EPS15: variants seen among roughly 807,000 people sequenced by gnomAD.
EPS15 encodes the protein epidermal growth factor receptor pathway substrate 15.
In EPS15, 72 loss-of-function variants were observed where a neutral mutation model predicts 113.8. That is an observed-to-expected ratio of 0.63 (90% CI 0.52 to 0.77). The LOEUF (loss-of-function observed/expected upper bound fraction) is 0.77, where lower values mean the gene tolerates loss of function less well. EPS15 is among the 30% of genes least tolerant of loss of function. The pLI, the probability that EPS15 is intolerant of heterozygous loss-of-function variation, is 0.00. For synonymous variants in EPS15, 344 were observed against 363.4 expected (o/e 0.95, Z 0.61); for missense variants, 1,048 against 1,045.8 (o/e 1.00, Z -0.03).
chr1:51,424,680 G>C (rs947463159), intron 12 of EPS15, among the ~76,000 whole-genome samples: 1 of 152,098 alleles, frequency 6.6e-6, no homozygotes, highest in Non-Finnish European at 1.5e-5. Context: ...GAGGTGGATG[G>C]ATCACTTGAG....
chr1:51,483,439 G>GTGTC (rs1476532028), intron 1 of EPS15, among the ~76,000 whole-genome samples: 3 of 148,286 alleles, frequency 2.0e-5, no homozygotes, highest in African/African-American at 7.5e-5. Flanking sequence ...GTGTGTGTGT[G>GTGTC]TCTCATACTG....
chr1:51,489,825 T>C (rs1570415836), intron 1 of EPS15, among the ~76,000 whole-genome samples: 1 of 152,136 alleles, frequency 6.6e-6, no homozygotes, highest in East Asian at 1.9e-4. Context: ...GGTCTTACTG[T>C]TTTCTCTCTA....
At chr1:51,476,802 A>G (rs55672422) in intron 2 of EPS15, among the ~76,000 whole-genome samples, 4,576 of 152,160 alleles carry the variant, frequency 0.03, 76 homozygotes, top group African/African-American at 0.05. Flanking sequence ...CAGGGATGAA[A>G]CCCATTTGAT....
chr1:51,471,095 A>T (rs536162067), intron 4 of EPS15, among the ~76,000 whole-genome samples: 2 of 152,154 alleles, frequency 1.3e-5, no homozygotes, highest in Non-Finnish European at 2.9e-5. Context: ...GGGGGTGGGG[A>T]GGAAGCCTAA....
intron 8 of EPS15, among the ~76,000 whole-genome samples, chr1:51,450,220 C>T (rs1270179162): frequency 6.6e-6 from 1 of 151,626 alleles, no homozygotes; most frequent in Non-Finnish European, 1.5e-5. Flanking sequence ...TGGGCAGCTC[C>T]TAGGATGGAA....
At chr1:51,500,182 C>T (rs1025961590) in intron 1 of EPS15, among the ~76,000 whole-genome samples, 4 of 152,176 alleles carry the variant, frequency 2.6e-5, no homozygotes, top group African/African-American at 9.7e-5. Context: ...ATTTTGTTTA[C>T]TCATTCATCT....
At chr1:51,416,417 G>C (rs1353905240) in intron 13 of EPS15, among the ~76,000 whole-genome samples, 1 of 152,184 alleles carries the variant, frequency 6.6e-6, no homozygotes, top group Non-Finnish European at 1.5e-5. Context: ...CAAAACTAGA[G>C]CAATATAGTG....
chr1:51,508,231 A>AGAG (rs1463202344), intron 1 of EPS15, among the ~76,000 whole-genome samples: 145 of 113,450 alleles, frequency 1.3e-3, no homozygotes, highest in African/African-American at 4.9e-3. Flanking sequence ...AAGAAAAGAA[A>AGAG]AGAAAAGAAA....
intron 1 of EPS15, among the ~76,000 whole-genome samples, chr1:51,483,941 T>C (rs1265633641): frequency 2.0e-5 from 3 of 151,904 alleles, no homozygotes; most frequent in Non-Finnish European, 4.4e-5. Flanking sequence ...AGAAACACCA[T>C]CTCCACCAAA....
chr1:51,473,743 C>T (rs536406848), intron 2 of EPS15, among the ~76,000 whole-genome samples: 47 of 152,216 alleles, frequency 3.1e-4, no homozygotes, highest in Admixed American at 7.9e-4. Context: ...ATCTGTTTTT[C>T]CAGTTTAGTT....
At chr1:51,451,116 T>G (rs186205481) in intron 8 of EPS15, among the ~76,000 whole-genome samples, 81 of 152,000 alleles carry the variant, frequency 5.3e-4, no homozygotes, top group African/African-American at 1.8e-3. Context: ...AAGTATAGTG[T>G]TGAACAGTGT....
chr1:51,399,663 G>A (rs538549758), intron 19 of EPS15, among the ~76,000 whole-genome samples: 75 of 151,136 alleles, frequency 5.0e-4, no homozygotes, highest in African/African-American at 1.7e-3. Context: ...GTTTAAGACC[G>A]GCCTGGCTAA....
At chr1:51,471,612 A>G (rs1655243807) in intron 4 of EPS15, 78 bp downstream of exon 4, 1 of 1,187,620 alleles carries the variant, frequency 8.4e-7, no homozygotes, top group African/African-American at 1.5e-5. Flanking sequence ...CTTGGCTTCA[A>G]AATACAAGAA....
At chr1:51,502,893 C>T (rs1644437453) in intron 1 of EPS15, among the ~76,000 whole-genome samples, 1 of 151,380 alleles carries the variant, frequency 6.6e-6, no homozygotes, top group Non-Finnish European at 1.5e-5. Flanking sequence ...ATAATTCCAA[C>T]TACTCGGGAG....
intron 13 of EPS15, among the ~76,000 whole-genome samples, chr1:51,410,392 C>CAAA (rs575050577): frequency 2.6e-4 from 25 of 97,772 alleles, no homozygotes; most frequent in African/African-American, 7.5e-4. Context: ...ACACTGTCTC[C>CAAA]AAAAAAAAAA....
At chr1:51,498,092 A>G (rs926730575) in intron 1 of EPS15, among the ~76,000 whole-genome samples, 7 of 152,094 alleles carry the variant, frequency 4.6e-5, no homozygotes, top group African/African-American at 1.7e-4. Context: ...CAACTAGTCG[A>G]TAAGATAACA....
Position 51,403,520 on chromosome 1 carries a change from G to T in EPS15, c.1690C>A (p.Pro564Thr). The T allele has an allele frequency of 6.3e-7, 1 of 1,580,210 alleles. No individual in the cohort carries two copies. Among genetic ancestry groups the T allele is most frequent in the Non-Finnish European group, 8.6e-7 (1 of 1,159,696 alleles). Residue 564 changes from proline (P) to threonine (T), a missense_variant, in exon 17 of 25, where the codon CCT becomes ACT. By Grantham distance (38) the Pro-to-Thr change is conservative. Coordinates refer to ENST00000371733, the MANE Select transcript of EPS15 (RefSeq NM_001981.3). ...GTCACACCAGAAGGCAGTAGTTCAG[G>T]ACTACTTCTTGCCTACAAAATATTA... ...IHQESPARSS[P>T]ELLPSGVTDE... is the part of the protein sequence containing the mutation.
At chr1:51,363,641 A>T (rs538761485) in intron 23 of EPS15, among the ~76,000 whole-genome samples, 1 of 152,346 alleles carries the variant, frequency 6.6e-6, no homozygotes, top group African/African-American at 2.4e-5. Flanking sequence ...AAAGAAAAGA[A>T]AAAAGGTCTT....
chr1:51,492,456 G>A (rs1420216057), intron 1 of EPS15, among the ~76,000 whole-genome samples: 1 of 152,088 alleles, frequency 6.6e-6, no homozygotes, highest in East Asian at 1.9e-4. Flanking sequence ...AAAAATGAAA[G>A]AAGAAAGGGA....
Sources: allele counts gnomAD v4.1 joint callset (sites outside exome capture counted in the v4.1 genomes callset), GRCh38; gene constraint gnomAD v4.1.1; transcripts MANE v1.5; gene names NCBI Gene and HGNC (gene_info 2026-07-23, HGNC 2026-07-21).